Variants in SULT2B1 observed in about 807,000 individuals in gnomAD.
SULT2B1 encodes sulfotransferase 2B1.
SULT2B1 carries 16 observed loss-of-function variants against 33.2 expected under a neutral mutation model. The ratio of observed to expected loss-of-function variants is 0.48; its 90% CI spans 0.33 to 0.73. SULT2B1 has a LOEUF of 0.73. SULT2B1 is among the 30% of genes least tolerant of loss of function. The probability of loss-of-function intolerance (pLI) is 0.02; values close to 1 mark genes in which losing one functional copy is unlikely to be tolerated. For synonymous variants in SULT2B1, 186 were observed against 200.5 expected, an observed-to-expected ratio of 0.93 and a Z score of 0.61; for missense variants, 500 against 506.0, an observed-to-expected ratio of 0.99 and a Z score of 0.11.
intron 1 of SULT2B1, among the ~76,000 whole-genome samples, chr19:48,554,005 G>T (rs1308077296): frequency 6.6e-6 from 1 of 152,038 alleles, no homozygotes; most frequent in Non-Finnish European, 1.5e-5. Context: ...CTGCCAGCTG[G>T]TCATAAAACG....
chr19:48,566,311 T>C (rs1415165393), intron 1 of SULT2B1, among the ~76,000 whole-genome samples: 2 of 152,092 alleles, frequency 1.3e-5, no homozygotes, highest in Admixed American at 1.3e-4. Context: ...ATCTTCCCAC[T>C]TTGCTTCCCA....
chr19:48,584,610 A>G (rs1241240636), intron 2 of SULT2B1, among the ~76,000 whole-genome samples: 1 of 152,206 alleles, frequency 6.6e-6, no homozygotes, highest in African/African-American at 2.4e-5. Context: ...GTTAGAATGA[A>G]ATCCAGTGAA....
chr19:48,567,064 AG>A (rs1973253942), intron 1 of SULT2B1, among the ~76,000 whole-genome samples: 1 of 152,080 alleles, frequency 6.6e-6, no homozygotes, highest in South Asian at 2.1e-4. Flanking sequence ...GTCCCTGTCA[AG>A]ATGTAAACTC....
chr19:48,580,676 G>C (rs936847897), intron 2 of SULT2B1, among the ~76,000 whole-genome samples: 1 of 150,944 alleles, frequency 6.6e-6, no homozygotes, highest in Non-Finnish European at 1.5e-5. Flanking sequence ...GGTCTTGCTC[G>C]GTTGCCCAGG....
intron 1 of SULT2B1, among the ~76,000 whole-genome samples, chr19:48,554,839 T>C (rs2147593655): frequency 6.6e-6 from 1 of 151,544 alleles, no homozygotes; most frequent in Non-Finnish European, 1.5e-5. Context: ...GTGTCAGAGA[T>C]GAGGCCCAGA....
At chr19:48,590,444 A>G (rs575901301) in intron 3 of SULT2B1, among the ~76,000 whole-genome samples, 12 of 152,156 alleles carry the variant, frequency 7.9e-5, no homozygotes, top group African/African-American at 2.4e-4. Context: ...TCTACTAAAA[A>G]TACAAAAATT....
In SULT2B1 at chr19:48,552,519, C is replaced by T. The variant is rs972530557; in HGVS notation, c.71+196C>T. On this transcript the variant is annotated intron_variant, in intron 1 of 6. Coordinates refer to ENST00000201586, the MANE Select transcript of SULT2B1 (RefSeq NM_177973.2). The surrounding 1 kb of genome is among the most constrained non-coding windows in gnomAD (Gnocchi z 4.8). ...CCCTCCTGAGAAGGGAGTGAGGACC[C>T]GACCGTGTTGAGTCACCAGTGGGGA... is the stretch of plus-strand genomic sequence containing the variant. Among the ~76,000 whole-genome samples, 30 of 152,254 alleles carry T rather than the reference C, an allele frequency of 2.0e-4. No individual in the cohort carries two copies. The highest frequency in any genetic ancestry group is 2.0e-4 in the Admixed American group (3 of 15,282).
chr19:48,566,243 G>T (rs1973242163), intron 1 of SULT2B1, among the ~76,000 whole-genome samples: 1 of 150,992 alleles, frequency 6.6e-6, no homozygotes, highest in Admixed American at 6.6e-5. Flanking sequence ...ATTGTTATTT[G>T]TAGAGACGGA....
intron 6 of SULT2B1, 126 bp downstream of exon 6, chr19:48,597,045 G>A: frequency 2.7e-6 from 3 of 1,117,298 alleles, no homozygotes; most frequent in Non-Finnish European, 3.8e-6. Flanking sequence ...CAGGGTCACT[G>A]TGGCCCCAGG....
At chr19:48,577,937 C>T (rs1475622290) in intron 2 of SULT2B1, among the ~76,000 whole-genome samples, 9 of 152,118 alleles carry the variant, frequency 5.9e-5, no homozygotes, top group African/African-American at 9.7e-5. Context: ...AGAGGGTAGG[C>T]GGGGCATAGT....
At chr19:48,571,637 A>AAC (rs1226518606) in intron 1 of SULT2B1, among the ~76,000 whole-genome samples, 1 of 52,058 alleles carries the variant, frequency 1.9e-5, no homozygotes, top group Non-Finnish European at 5.5e-5. Flanking sequence ...GAACAATAAC[A>AAC]AAAGAAAAAA....
chr19:48,575,891 G>A (rs1367638783), intron 1 of SULT2B1, 50 bp from the exon 2 acceptor site: 3 of 1,581,230 alleles, frequency 1.9e-6, no homozygotes, highest in Non-Finnish European at 2.6e-6. Flanking sequence ...GAGAACTCCA[G>A]CACCCACCTC....
At chr19:48,553,612 C>T (rs1398664386) in intron 1 of SULT2B1, among the ~76,000 whole-genome samples, 2 of 152,150 alleles carry the variant, frequency 1.3e-5, no homozygotes, top group South Asian at 2.1e-4. Context: ...CACGCCTGGC[C>T]GCCTCATTTC....
intron 1 of SULT2B1, among the ~76,000 whole-genome samples, chr19:48,557,493 T>C (rs1973114637): frequency 6.6e-6 from 1 of 150,918 alleles, no homozygotes; most frequent in South Asian, 2.1e-4. Flanking sequence ...TGAGCTGAGA[T>C]CGCATACTGC....
chr19:48,590,909 C>G (rs1973635239), intron 3 of SULT2B1, among the ~76,000 whole-genome samples: 1 of 152,020 alleles, frequency 6.6e-6, no homozygotes, highest in Admixed American at 6.6e-5. Context: ...TCACAGCTCA[C>G]TGCAGCCTCG....
chr19:48,594,355 G>C (rs1387220561), intron 5 of SULT2B1, among the ~76,000 whole-genome samples: 1 of 152,216 alleles, frequency 6.6e-6, no homozygotes, highest in African/African-American at 2.4e-5. Context: ...CTGGAGGTTT[G>C]TAACTTAAGA....
intron 1 of SULT2B1, among the ~76,000 whole-genome samples, chr19:48,563,280 G>A (rs1429311022): frequency 6.6e-6 from 1 of 152,102 alleles, no homozygotes; most frequent in Non-Finnish European, 1.5e-5. Context: ...TATCCACTCT[G>A]TGACCTAGCA....
At chr19:48,575,862 G>T in intron 1 of SULT2B1, 79 bp from the exon 2 acceptor site, 1 of 1,549,302 alleles carries the variant, frequency 6.5e-7, no homozygotes, top group Non-Finnish European at 8.8e-7. Flanking sequence ...CCTTGCCAGG[G>T]TCCGAGTGTC....
At chr19:48,597,845 G>A (rs1362910681) in intron 6 of SULT2B1, among the ~76,000 whole-genome samples, 10 of 146,602 alleles carry the variant, frequency 6.8e-5, no homozygotes, top group Non-Finnish European at 1.0e-4. Context: ...GGTTTTCACC[G>A]TGTTAGCCAG....
Sources: allele counts gnomAD v4.1 joint callset (sites outside exome capture counted in the v4.1 genomes callset), GRCh38; gene constraint gnomAD v4.1.1; non-coding constraint Gnocchi (gnomAD v3.1); transcripts MANE v1.5; gene names NCBI Gene and HGNC (gene_info 2026-07-23, HGNC 2026-07-21).